The following PKMYT1 variants were observed in gnomAD, a reference collection of about 807,000 sequenced individuals.
The protein encoded by PKMYT1 is membrane-associated tyrosine- and threonine-specific cdc2-inhibitory kinase.
Under a neutral mutation model 49.7 loss-of-function variants are expected in PKMYT1, and 35 were observed. That is an observed-to-expected ratio of 0.70 (90% CI 0.54 to 0.93). The LOEUF (loss-of-function observed/expected upper bound fraction) is 0.93, where lower values mean the gene tolerates loss of function less well. Among genes scored for constraint, PKMYT1 ranks in the 40% least tolerant of loss-of-function variants. The pLI is 0.00. For synonymous variants in PKMYT1, 331 were observed against 287.6 expected, an observed-to-expected ratio of 1.15 and a Z score of -1.53; for missense variants, 677 against 673.1, an observed-to-expected ratio of 1.01 and a Z score of -0.06.
At chr16:2,977,492 A>T (rs938828288) in intron 2 of PKMYT1, 2 of 994,592 alleles carry the variant, frequency 2.0e-6, no homozygotes, top group Non-Finnish European at 2.4e-6. Flanking sequence ...TCGTGCCAAA[A>T]CCCAGTTAGT....
At chr16:2,978,747 CAA>C (rs145730606) in intron 2 of PKMYT1, among the ~76,000 whole-genome samples, 59 of 133,864 alleles carry the variant, frequency 4.4e-4, no homozygotes, top group Middle Eastern at 3.7e-3. Context: ...GACTCTGTCT[CAA>C]AAAAAAAAAA....
rs1293741365 is a variant in PKMYT1 at position 2,975,653 on chromosome 16, C to T, written c.538G>A (p.Gly180Ser). 7 of 1,611,412 alleles carry T rather than the reference C, an allele frequency of 4.3e-6. No homozygotes were observed. Among genetic ancestry groups the T allele is most frequent in the South Asian group, 1.1e-5 (1 of 91,064 alleles). ...CVRLEQAWEEGGILYLQTELC... is the reference protein window; with the variant it reads ...CVRLEQAWEESGILYLQTELC... ...TCCGTCTGCAGGTACAGGATGCCGC[C>T]CTCCTCCCAGGCCTGCTCCAGCCGC... Residue 180 changes from glycine to serine, a missense_variant, in exon 4 of 9, where the codon GGC becomes AGC. Coordinates refer to ENST00000262300, the MANE Select transcript of PKMYT1 (RefSeq NM_004203.5).
In PKMYT1 at chr16:2,976,779, G is replaced by A. The variant is rs1319959015; in HGVS notation, c.263C>T (p.Ala88Val). Residue 88 changes from alanine to valine, a missense_variant, in exon 3 of 9, where the codon GCC becomes GTC. Physicochemically the swap from Ala to Val is moderately conservative, Grantham distance 64. Coordinates refer to ENST00000262300, the MANE Select transcript of PKMYT1 (RefSeq NM_004203.5). Reference sequence around the variant, plus strand: ...CCCAGGGCTCTGCAGAGTCTCTGAGGCCTCGCCCCGGAATGACACCCGCCG... The same window carrying A: ...CCCAGGGCTCTGCAGAGTCTCTGAGACCTCGCCCCGGAATGACACCCGCCG... ...QPRRVSFRGE[A>V]SETLQSPGYD... 1.3e-6 allele frequency: 2 copies of A among 1,577,240 alleles called. No individual in the cohort carries two copies. Among genetic ancestry groups the A allele is most frequent in the East Asian group, 2.3e-5 (1 of 43,580 alleles).
At chr16:2,974,822 C>A (rs1033198253) in intron 4 of PKMYT1, 166 bp from the exon 5 acceptor site, 1 of 599,548 alleles carries the variant, frequency 1.7e-6, no homozygotes, top group Non-Finnish European at 3.0e-6. Context: ...GATCATGAAC[C>A]CTGGGCAGGA....
At position 2,972,880 on chromosome 16, in the gene PKMYT1, G is replaced by A. The variant is rs1275917970; in HGVS notation, c.*73C>T. 3 of 1,541,518 alleles carry A rather than the reference G, an allele frequency of 1.9e-6. No homozygotes were observed. The East Asian group carries it at 7.0e-5, about 36-fold the overall frequency. ...AGAGAAGACCATGGGAGTTCCCGAG[G>A]GGCCCCAGCTTTCAAGGGCGACGGG... On this transcript the variant is annotated 3_prime_UTR_variant, in exon 9 of 9. Transcript: ENST00000262300.
rs556691415 is a variant in PKMYT1, at chr16:2,974,264, C to T, written c.1133G>A (p.Arg378Gln). 3.0e-5 allele frequency: 47 copies of T among 1,569,420 alleles called. No homozygotes were observed. In the South Asian group the frequency reaches 3.2e-4, roughly 11 times the overall value. Reference sequence around the variant, plus strand: ...GCTTACCTGCCACAGGGCCCACCCTCGGCTCAGGGCCTCCGCTGCCATGCA... The same window carrying T: ...GCTTACCTGCCACAGGGCCCACCCTTGGCTCAGGGCCTCCGCTGCCATGCA... ...LWCMAAEALS[R>Q]GWALWQALLA... Residue 378 changes from arginine to glutamine, a missense_variant, in exon 6 of 9, where the codon CGA (arginine) becomes CAA (glutamine). Physicochemically the swap from Arg to Gln is conservative, Grantham distance 43 (BLOSUM62 1). Coordinates refer to ENST00000262300, the MANE Select transcript of PKMYT1 (RefSeq NM_004203.5).
At chr16:2,973,667 CT>C in intron 7 of PKMYT1, 1 of 447,948 alleles carries the variant, frequency 2.2e-6, no homozygotes, top group South Asian at 2.2e-5. Context: ...CAGGGCAGGG[CT>C]CCCCAGACTC....
At position 2,974,162 on chromosome 16, in the gene PKMYT1, G is replaced by A. The variant is rs750736860; in HGVS notation, c.1153-5C>T. 2.3e-5 allele frequency: 37 copies of A among 1,595,524 alleles called. No homozygotes were observed. The highest frequency in any genetic ancestry group is 1.3e-5 in the African/African-American group (1 of 74,716). ...GCAGAGCAGGGCAAGCAGGGCCTGT[G>A]GGGGAGAGGAGCTCAGGATGTGGGT... On this transcript the variant is annotated splice_region_variant and splice_polypyrimidine_tract_variant and intron_variant, in intron 6 of 8. Coordinates refer to ENST00000262300, the MANE Select transcript of PKMYT1 (RefSeq NM_004203.5).
chr16:2,977,614 G>C (rs1040686142), intron 2 of PKMYT1: 5 of 454,642 alleles, frequency 1.1e-5, no homozygotes, highest in East Asian at 1.5e-4. Context: ...CTCTGGGCAT[G>C]GTGCCCAGGG....
At position 2,979,748 on chromosome 16, in the gene PKMYT1, C is replaced by T; in HGVS notation, c.-91G>A. The T allele has an allele frequency of 6.4e-7, 1 of 1,565,232 alleles. No individual in the cohort carries two copies. Among genetic ancestry groups the T allele is most frequent in the Non-Finnish European group, 8.8e-7 (1 of 1,142,048 alleles). On this transcript the variant is annotated 5_prime_UTR_variant, in exon 2 of 9. Transcript: ENST00000262300. ...ATCCAGGGTGTCCCTGAGCTAAGGC[C>T]AGGCGGGGGTGACCTCCGCAGCTTC...
At chr16:2,976,360 G>A (rs890089090) in intron 3 of PKMYT1, among the ~76,000 whole-genome samples, 6 of 152,174 alleles carry the variant, frequency 3.9e-5, no homozygotes, top group African/African-American at 1.4e-4. Context: ...CCAGAGGCTG[G>A]GCCGACTCGC....
chr16:2,975,391 T>A lies in PKMYT1; in HGVS notation c.800A>T (p.Gln267Leu), dbSNP rs1186754153. 2 of 1,613,184 alleles carry A rather than the reference T, an allele frequency of 1.2e-6. No individual in the cohort carries two copies. The highest frequency in any genetic ancestry group is 1.7e-6 in the Non-Finnish European group (2 of 1,179,964). The change falls in exon 4 of 9, where the codon CAG becomes CTG. Residue 267 changes from glutamine (Q) to leucine (L), a missense_variant. By Grantham distance (113) the Gln-to-Leu change is moderately radical. Transcript: ENST00000262300. ...ELGTAGAGEVQEGDPRYMAPE... is the reference protein window; with the variant it reads ...ELGTAGAGEVLEGDPRYMAPE... ...GGCCATGTAGCGGGGGTCTCCCTCC[T>A]GGACCTCACCAGCTCCTGCTGTACC... is the stretch of plus-strand genomic sequence containing the variant.
At chr16:2,979,307 T>C (rs1206968906) in intron 2 of PKMYT1, among the ~76,000 whole-genome samples, 2 of 152,126 alleles carry the variant, frequency 1.3e-5, no homozygotes, top group Non-Finnish European at 2.9e-5. Flanking sequence ...GCACTCCAAC[T>C]GGGCGACAAG....
Position 2,974,433 on chromosome 16 carries a change from G to C in PKMYT1, c.980-16C>G. On this transcript the variant is annotated splice_polypyrimidine_tract_variant and intron_variant, in intron 5 of 8. Transcript: ENST00000262300. ...GAAGACAGACCTGCCCATGAGGAAG[G>C]GCCACATCGGGGTCCCAGAACACCG... The C allele has an allele frequency of 1.3e-6, 2 of 1,598,368 alleles. No individual in the cohort carries two copies. Among genetic ancestry groups the C allele is most frequent in the Non-Finnish European group, 1.7e-6 (2 of 1,170,014 alleles).
chr16:2,973,447 T>C lies in PKMYT1; in HGVS notation c.1311-232A>G, dbSNP rs968748428. On this transcript the variant is annotated intron_variant, in intron 7 of 8. Transcript: ENST00000262300. ...TCTGTCCTTTTCAGAACACATGGACTTGGAGGCAGATTTGAAATAAACTTT... is the reference window on the plus strand; with the variant it reads ...TCTGTCCTTTTCAGAACACATGGACCTGGAGGCAGATTTGAAATAAACTTT... 5.9e-6 allele frequency: 9 copies of C among 1,523,800 alleles called. No homozygotes were observed. The Admixed American group carries it at 1.2e-4, about 20-fold the overall frequency. 94.4% of individuals were successfully genotyped at this position (1,523,800 alleles called of 1,614,324 possible).
intron 7 of PKMYT1, 32 bp from the exon 8 acceptor site, chr16:2,973,247 T>A: frequency 6.7e-7 from 1 of 1,481,756 alleles, no homozygotes; most frequent in South Asian, 1.4e-5. Context: ...AAGGAGGGTG[T>A]CCAGGGCTAG....
chr16:2,976,213 C>A (rs1018503789), intron 3 of PKMYT1: 1 of 221,236 alleles, frequency 4.5e-6, no homozygotes, highest in Admixed American at 5.6e-5. Context: ...AGGACTCATA[C>A]AAGGGAAAAC....
In PKMYT1 at chr16:2,976,819, GC is replaced by G; in HGVS notation, c.222del (p.Trp74CysfsTer65). ...SRLFPPRTPG[W>X]HQLQPRRVSF... ...GACACCCGCCGGGGCTGCAGCTGGT[GC>G]CAGCCTGGGGTCCGAGGAGGGAAGA... On this transcript the variant is annotated frameshift_variant, in exon 3 of 9. Coordinates refer to ENST00000262300, the MANE Select transcript of PKMYT1 (RefSeq NM_004203.5). LOFTEE classifies it high-confidence loss of function. 1 of 1,570,622 alleles carries G rather than the reference GC, an allele frequency of 6.4e-7. No individual in the cohort carries two copies. Among genetic ancestry groups the G allele is most frequent in the East Asian group, 2.3e-5 (1 of 43,052 alleles).
intron 7 of PKMYT1, 108 bp downstream of exon 7, chr16:2,973,892 G>C (rs562978063): frequency 8.8e-6 from 11 of 1,245,066 alleles, no homozygotes; most frequent in South Asian, 1.4e-5. Flanking sequence ...AGGATGTGAT[G>C]GGGGCCAGGT....
Sources: gnomAD v4.1 joint callset for allele counts (sites outside exome capture counted in the v4.1 genomes callset) on GRCh38, gnomAD v4.1.1 for gene constraint, MANE v1.5 for transcripts, NCBI Gene and HGNC (gene_info 2026-07-23, HGNC 2026-07-21) for gene names.